The following MCTP1 variants were observed in gnomAD, a reference collection of about 807,000 sequenced individuals.
MCTP1 encodes the protein multiple C2 and transmembrane domain-containing protein 1.
MCTP1 carries 69 observed loss-of-function variants against 120.6 expected under a neutral mutation model. The ratio of observed to expected loss-of-function variants is 0.57; its 90% CI spans 0.47 to 0.70. The LOEUF (loss-of-function observed/expected upper bound fraction) is 0.70. Among genes scored for constraint, MCTP1 ranks in the 30% least tolerant of loss-of-function variants. The pLI is 0.00. For synonymous variants in MCTP1, 529 were observed against 493.1 expected, an observed-to-expected ratio of 1.07 and a Z score of -0.96; for missense variants, 1,203 against 1,248.8, an observed-to-expected ratio of 0.96 and a Z score of 0.55.
intron 7 of MCTP1, among the ~76,000 whole-genome samples, chr5:94,920,465 G>C (rs1811283300): frequency 1.3e-5 from 2 of 152,076 alleles, no homozygotes; most frequent in Non-Finnish European, 2.9e-5. Context: ...CAACTCGGCA[G>C]GGCGCGGTGG....
chr5:94,907,801 G>A (rs1227615095), intron 10 of MCTP1, among the ~76,000 whole-genome samples: 1 of 151,524 alleles, frequency 6.6e-6, no homozygotes, highest in African/African-American at 2.4e-5. Flanking sequence ...AAAAAATAGA[G>A]AGAAGAAGGG....
At chr5:94,981,213 G>T (rs1561964690) in intron 2 of MCTP1, among the ~76,000 whole-genome samples, 2 of 151,976 alleles carry the variant, frequency 1.3e-5, no homozygotes, top group African/African-American at 2.4e-5. Flanking sequence ...AAAAGTCCGA[G>T]GTTTCCACTG....
rs111328448 is a variant in MCTP1 at position 94,927,081 on chromosome 5, A to G, written c.1213-3060T>C. Among the ~76,000 whole-genome samples, 889 of 152,348 alleles carry G rather than the reference A, an allele frequency of 5.8e-3. 7 individuals carry two copies. The highest frequency in any genetic ancestry group is 0.02 in the African/African-American group (837 of 41,576). ...TTACAATACATAAAAATTATATTTTATGCCTTTGGGGAAATATTGTCAAAA... is the reference window on the plus strand; with the variant it reads ...TTACAATACATAAAAATTATATTTTGTGCCTTTGGGGAAATATTGTCAAAA... On this transcript the variant is annotated intron_variant, in intron 6 of 22. Transcript: ENST00000515393.
intron 6 of MCTP1, chr5:94,930,888 A>G (rs537600871): frequency 6.6e-6 from 1 of 152,292 alleles, no homozygotes; most frequent in African/African-American, 2.4e-5. Flanking sequence ...ATCACAGTGA[A>G]CATTAAGTTA....
chr5:95,191,197 T>C (rs1034547390), intron 1 of MCTP1, among the ~76,000 whole-genome samples: 1 of 152,108 alleles, frequency 6.6e-6, no homozygotes. Flanking sequence ...GGAACTCTCT[T>C]CAAGTATCTG....
At chr5:95,001,520 C>A (rs933259474) in intron 2 of MCTP1, among the ~76,000 whole-genome samples, 1 of 152,120 alleles carries the variant, frequency 6.6e-6, no homozygotes, top group Admixed American at 6.5e-5. Flanking sequence ...GTAATATGGA[C>A]AATGATGTCG....
intron 5 of MCTP1, among the ~76,000 whole-genome samples, chr5:94,932,213 TA>T (rs368203326): frequency 0.24 from 22,666 of 95,672 alleles, 2,010 homozygotes; most frequent in East Asian, 0.43. Context: ...TATTCCTTTG[TA>T]AAAAAAAAAA....
intron 10 of MCTP1, among the ~76,000 whole-genome samples, chr5:94,904,240 A>G (rs149621929): frequency 2.9e-4 from 44 of 152,290 alleles, no homozygotes; most frequent in African/African-American, 1.1e-3. Flanking sequence ...CAAGAGTGTG[A>G]TGAAATAAGC....
intron 2 of MCTP1, among the ~76,000 whole-genome samples, chr5:95,013,522 G>A (rs1021907121): frequency 2.0e-5 from 3 of 152,072 alleles, no homozygotes; most frequent in Non-Finnish European, 2.9e-5. Flanking sequence ...TGATGCCAAT[G>A]CTCATTTACC....
chr5:94,850,667 CTT>C (rs1793502497), intron 17 of MCTP1, among the ~76,000 whole-genome samples: 1 of 152,074 alleles, frequency 6.6e-6, no homozygotes, highest in South Asian at 2.1e-4. Flanking sequence ...TTGTTTCCCT[CTT>C]TATCTTTTGA....
intron 21 of MCTP1, chr5:94,710,139 T>C (rs1259806522): frequency 2.0e-5 from 3 of 151,998 alleles, no homozygotes; most frequent in African/African-American, 7.2e-5. Flanking sequence ...AAAATTGTTT[T>C]CCAAACCAAG....
At chr5:94,770,290 G>A (rs1182438865) in intron 19 of MCTP1, among the ~76,000 whole-genome samples, 3 of 152,096 alleles carry the variant, frequency 2.0e-5, no homozygotes, top group Non-Finnish European at 4.4e-5. Context: ...TCAACCTCCC[G>A]AGAGCCAGGG....
At chr5:95,101,453 A>T (rs1015083981) in intron 1 of MCTP1, among the ~76,000 whole-genome samples, 5 of 152,228 alleles carry the variant, frequency 3.3e-5, no homozygotes, top group Admixed American at 3.3e-4. Context: ...TCTTAGCCAA[A>T]GTAACAATTT....
chr5:95,111,920 C>G (rs1278550525), intron 1 of MCTP1, among the ~76,000 whole-genome samples: 1 of 152,122 alleles, frequency 6.6e-6, no homozygotes, highest in Non-Finnish European at 1.5e-5. Context: ...TTTTTCTATT[C>G]ATACCTTGTT....
At chr5:94,960,603 A>G (rs911477476) in intron 2 of MCTP1, among the ~76,000 whole-genome samples, 6 of 152,214 alleles carry the variant, frequency 3.9e-5, no homozygotes, top group Non-Finnish European at 8.8e-5. Context: ...AAAAGTGGGC[A>G]AAGGATATGA....
chr5:95,215,503 G>A (rs1035523353), intron 1 of MCTP1, among the ~76,000 whole-genome samples: 78 of 152,108 alleles, frequency 5.1e-4, no homozygotes, highest in African/African-American at 1.8e-3. Context: ...TACAATTCTG[G>A]CCAATGACAT....
chr5:94,742,287 A>G (rs1765703518), intron 19 of MCTP1, among the ~76,000 whole-genome samples: 1 of 152,148 alleles, frequency 6.6e-6, no homozygotes, highest in South Asian at 2.1e-4. Flanking sequence ...ACTCTCGGGT[A>G]TAAGTGATCC....
intron 1 of MCTP1, among the ~76,000 whole-genome samples, chr5:95,247,822 A>G (rs1487830248): frequency 6.6e-6 from 1 of 152,088 alleles, no homozygotes; most frequent in Non-Finnish European, 1.5e-5. Context: ...TATGTGGTCA[A>G]TTTTAGAATA....
chr5:94,757,241 C>T (rs540360595), intron 19 of MCTP1, among the ~76,000 whole-genome samples: 35 of 152,178 alleles, frequency 2.3e-4, no homozygotes, highest in Middle Eastern at 3.4e-3. Flanking sequence ...TTGGCTGAAG[C>T]GTTTATTGGG....
Sources: gnomAD v4.1 joint callset for allele counts (sites outside exome capture counted in the v4.1 genomes callset) on GRCh38, gnomAD v4.1.1 for gene constraint, MANE v1.5 for transcripts, NCBI Gene and HGNC (gene_info 2026-07-23, HGNC 2026-07-21) for gene names.